ABCF3: variants seen among roughly 807,000 people sequenced by gnomAD.
ABCF3 encodes the protein ATP-binding cassette sub-family F member 3.
In ABCF3, 62 loss-of-function variants were observed where a neutral mutation model predicts 94.3. That is an observed-to-expected ratio of 0.66 (90% CI 0.54 to 0.81). The LOEUF is 0.81. ABCF3 is among the 40% of genes least tolerant of loss of function. The pLI, the probability that ABCF3 is intolerant of heterozygous loss-of-function variation, is 0.00. For synonymous variants in ABCF3, 355 were observed against 361.1 expected, an observed-to-expected ratio of 0.98 and a Z score of 0.19; for missense variants, 843 against 925.3, an observed-to-expected ratio of 0.91 and a Z score of 1.15.
intron 7 of ABCF3, 162 bp from the exon 8 acceptor site, chr3:184,188,584 CTTTCCACAGTGCCCA>C (rs1715801743): frequency 2.9e-6 from 3 of 1,042,746 alleles, no homozygotes; most frequent in African/African-American, 3.2e-5. Flanking sequence ...CTTTCTTGTT[CTTTCCACAGTGCCCA>C]TTTCCATAGT....
At chr3:184,190,776 C>A in intron 14 of ABCF3, 1 of 539,434 alleles carries the variant, frequency 1.9e-6, no homozygotes, top group Non-Finnish European at 3.2e-6. Context: ...TAGATGTTTG[C>A]GACGTGGAAA....
intron 3 of ABCF3, 69 bp downstream of exon 3, chr3:184,186,944 T>A: frequency 6.8e-7 from 1 of 1,480,150 alleles, no homozygotes; most frequent in Non-Finnish European, 9.3e-7. Flanking sequence ...ATCTGCTGCC[T>A]GCAGCTTAGG....
Position 184,189,703 on chromosome 3 carries a change from G to C in ABCF3, c.1260G>C (p.Leu420=). 1 of 1,614,110 alleles carries C rather than the reference G, an allele frequency of 6.2e-7. No individual in the cohort carries two copies. The highest frequency in any genetic ancestry group is 8.5e-7 in the Non-Finnish European group (1 of 1,180,024). ...ETFIKSKQER[L]LNQQREYEAQ... is the part of the protein sequence containing the mutation. Reference sequence around the variant, plus strand: ...TCATCAAGAGTAAGCAGGAGCGGCTGCTCAACCAGCAGCGTGAATATGAGG... The same window carrying C: ...TCATCAAGAGTAAGCAGGAGCGGCTCCTCAACCAGCAGCGTGAATATGAGG... The change falls in exon 13 of 21, where the codon CTG becomes CTC. Residue 420 remains leucine (L), a synonymous_variant. Transcript: ENST00000429586.
chr3:184,186,759 A>G (rs1715648574), intron 2 of ABCF3, 37 bp from the exon 3 acceptor site: 1 of 1,605,004 alleles, frequency 6.2e-7, no homozygotes, highest in Non-Finnish European at 8.5e-7. Flanking sequence ...TTTTCCCTCA[A>G]CTCCTAACTC....
chr3:184,189,767 C>G lies in ABCF3; in HGVS notation c.1314+10C>G, dbSNP rs1461547018. 7 of 1,613,918 alleles carry G rather than the reference C, an allele frequency of 4.3e-6. No homozygotes were observed. Among genetic ancestry groups the G allele is most frequent in the Non-Finnish European group, 5.9e-6 (7 of 1,179,978 alleles). ...TCGCCAGCACATCCAGGTGTGGGGC[C>G]TGGCAGGGCTGGGGGTCCCATCCCA... On this transcript the variant is annotated intron_variant, in intron 13 of 20. Transcript: ENST00000429586.
At chr3:184,190,008 C>G in intron 14 of ABCF3, 77 bp downstream of exon 14, 1 of 1,503,670 alleles carries the variant, frequency 6.7e-7, no homozygotes, top group Middle Eastern at 1.8e-4. Flanking sequence ...CACCCTTGCC[C>G]TACCATTCTA....
At chr3:184,192,574 CTGTA>C in intron 16 of ABCF3, 23 bp from the exon 17 acceptor site, 2 of 1,595,098 alleles carry the variant, frequency 1.3e-6, no homozygotes, top group Non-Finnish European at 1.7e-6. Context: ...CTGGCACACA[CTGTA>C]TGACATTTTC....
intron 7 of ABCF3, 81 bp downstream of exon 7, chr3:184,188,488 G>C: frequency 3.3e-6 from 5 of 1,520,660 alleles, no homozygotes; most frequent in Non-Finnish European, 4.4e-6. Context: ...TCCATAATTT[G>C]CATGTACATC....
At position 184,186,611 on chromosome 3, in the gene ABCF3, G is replaced by A. The variant is rs1429391295; in HGVS notation, c.178G>A (p.Gly60Ser). Residue 60 changes from glycine (G) to serine (S), a missense_variant, in exon 2 of 21, where the codon GGC (glycine) becomes AGC (serine). Coordinates refer to ENST00000429586, the MANE Select transcript of ABCF3 (RefSeq NM_018358.3). ...EVSGDSKDDA[G>S]IRAVCQRMYN... ...GTCCGGGGACAGCAAGGATGACGCG[G>A]GCATCAGGGCCGTGTGCCAGCGCAT... 1 of 1,613,658 alleles carries A rather than the reference G, an allele frequency of 6.2e-7. No individual in the cohort carries two copies. Among genetic ancestry groups the A allele is most frequent in the Non-Finnish European group, 8.5e-7 (1 of 1,179,738 alleles).
chr3:184,186,396 C>T, intron 1 of ABCF3, 111 bp from the exon 2 acceptor site: 2 of 1,583,230 alleles, frequency 1.3e-6, no homozygotes, highest in Non-Finnish European at 1.7e-6. Flanking sequence ...ACCTCTTGTC[C>T]CGGGGGCTGG....
intron 3 of ABCF3, 132 bp from the exon 4 acceptor site, chr3:184,187,265 T>C (rs1715693761): frequency 4.2e-6 from 4 of 961,480 alleles, no homozygotes; most frequent in South Asian, 4.1e-5. Flanking sequence ...GGGAAGATAA[T>C]AGCCATCTAT....
intron 3 of ABCF3, 199 bp from the exon 4 acceptor site, chr3:184,187,198 C>T (rs1461044848): frequency 1.6e-5 from 11 of 707,770 alleles, no homozygotes; most frequent in Non-Finnish European, 2.4e-5. Context: ...TTGTCTATGC[C>T]TCTGTATCCT....
chr3:184,188,096 A>G (rs1331544768), intron 6 of ABCF3, 45 bp from the exon 7 acceptor site: 4 of 1,610,348 alleles, frequency 2.5e-6, no homozygotes, highest in Non-Finnish European at 3.4e-6. Context: ...CTTGCTGTGC[A>G]CCTATTTCTA....
intron 3 of ABCF3, chr3:184,187,149 C>T: frequency 1.6e-6 from 1 of 632,810 alleles, no homozygotes; most frequent in Non-Finnish European, 2.8e-6. Context: ...TGCTAACCAG[C>T]TGCATGATCT....
At chr3:184,188,654 CCT>C (rs1715805734) in intron 7 of ABCF3, 105 bp from the exon 8 acceptor site, 1 of 1,205,044 alleles carries the variant, frequency 8.3e-7, no homozygotes, top group East Asian at 2.5e-5. Flanking sequence ...GTATTCTCTT[CCT>C]CTTCCAGCCA....
chr3:184,188,815 G>A lies in ABCF3; in HGVS notation c.891G>A (p.Glu297=), dbSNP rs776220795. Residue 297 remains glutamate (E), a synonymous_variant, in exon 8 of 21, where the codon GAG becomes GAA. Coordinates refer to ENST00000429586, the MANE Select transcript of ABCF3 (RefSeq NM_018358.3). ...CAGAAATCTATGCCAAACTGGAGGAGATTGAGGCTGACAAGGCACCTGCCA... is the reference window on the plus strand; with the variant it reads ...CAGAAATCTATGCCAAACTGGAGGAAATTGAGGCTGACAAGGCACCTGCCA... ...ELAEIYAKLE[E]IEADKAPARA... 18 of 1,613,848 alleles carry A rather than the reference G, an allele frequency of 1.1e-5. No homozygotes were observed. The highest frequency in any genetic ancestry group is 1.4e-5 in the Non-Finnish European group (16 of 1,179,904).
chr3:184,193,776 A>C lies in ABCF3; in HGVS notation c.*78A>C, dbSNP rs1247969425. 6.9e-7 allele frequency: 1 copy of C among 1,451,112 alleles called. No homozygotes were observed. Among genetic ancestry groups the C allele is most frequent in the East Asian group, 2.5e-5 (1 of 40,322 alleles). 89.9% of individuals were successfully genotyped at this position (1,451,112 alleles called of 1,614,324 possible). A position where few individuals can be genotyped will look rare whatever the true frequency, so the allele number is the denominator to read the frequency against. On this transcript the variant is annotated 3_prime_UTR_variant, in exon 21 of 21. Transcript: ENST00000429586. This position sits in a 1 kb window ranked among gnomAD's most constrained non-coding sequence, Gnocchi z 5.2. ...GGGCCACCATGTAGGCCACCACTCC[A>C]GGCCGTGGACTTCCCCCAACTTGGG...
At chr3:184,189,492 G>T (rs1715867095) in intron 12 of ABCF3, 49 bp downstream of exon 12, 6 of 1,613,870 alleles carry the variant, frequency 3.7e-6, no homozygotes, top group Non-Finnish European at 5.1e-6. Context: ...CGGCCTCCAA[G>T]ATACCTGGGG....
intron 14 of ABCF3, chr3:184,190,795 A>G: frequency 5.0e-6 from 3 of 605,520 alleles, no homozygotes; most frequent in Non-Finnish European, 8.5e-6. Context: ...AACATATCAC[A>G]ATATAGTAAC....
Sources: gnomAD v4.1 joint callset for allele counts on GRCh38, gnomAD v4.1.1 for gene constraint, Gnocchi (gnomAD v3.1) non-coding constraint, MANE v1.5 for transcripts, NCBI Gene and HGNC (gene_info 2026-07-23, HGNC 2026-07-21) for gene names.